The following LRRC74A variants were observed in gnomAD, a reference collection of about 807,000 sequenced individuals.
LRRC74A encodes the protein leucine-rich repeat-containing protein 74A.
LRRC74A carries 44 observed loss-of-function variants against 57.9 expected under a neutral mutation model. The ratio of observed to expected loss-of-function variants is 0.76; its 90% CI spans 0.60 to 0.98. The LOEUF is 0.98. LRRC74A is among the 50% of genes least tolerant of loss of function. The probability of loss-of-function intolerance (pLI) is 0.00; values close to 1 mark genes in which losing one functional copy is unlikely to be tolerated. For synonymous variants in LRRC74A, 211 were observed against 219.4 expected, an observed-to-expected ratio of 0.96 and a Z score of 0.34; for missense variants, 572 against 574.0, an observed-to-expected ratio of 1.00 and a Z score of 0.04.
At chr14:76,860,962 A>T in intron 11 of LRRC74A, 123 bp downstream of exon 11, 5 of 939,582 alleles carry the variant, frequency 5.3e-6, no homozygotes, top group Non-Finnish European at 4.7e-6. Context: ...CTGATAAGGA[A>T]TGTCTCAGTC....
Position 76,844,797 on chromosome 14 carries a change from C to G in LRRC74A, c.595-23C>G, listed in dbSNP as rs769495535. 1.2e-5 allele frequency: 16 copies of G among 1,347,930 alleles called. No individual in the cohort carries two copies. In the South Asian group the frequency reaches 1.8e-4, roughly 15 times the overall value. The allele number at this position is 1,347,930 out of a possible 1,614,324, so 83.5% of individuals were successfully genotyped here. On this transcript the variant is annotated intron_variant, in intron 6 of 13. Coordinates refer to ENST00000689127, the MANE Select transcript of LRRC74A (RefSeq NM_001385106.1). Reference sequence around the variant, plus strand: ...CAATCAGAAGACAAAAAATCCTTCTCTTTCCCCTGTTTGTTTCTGTAGACC... The same window carrying G: ...CAATCAGAAGACAAAAAATCCTTCTGTTTCCCCTGTTTGTTTCTGTAGACC...
At chr14:76,843,613 G>C (rs759635586) in intron 5 of LRRC74A, among the ~76,000 whole-genome samples, 1 of 152,108 alleles carries the variant, frequency 6.6e-6, no homozygotes, top group Non-Finnish European at 1.5e-5. Flanking sequence ...TAAAAGAGAG[G>C]GTAAACAGTT....
intron 2 of LRRC74A, among the ~76,000 whole-genome samples, chr14:76,830,968 T>C (rs145590947): frequency 1.3e-5 from 2 of 152,334 alleles, no homozygotes; most frequent in Admixed American, 1.3e-4. Flanking sequence ...CCTAAAACCA[T>C]GGGCCTCATC....
intron 3 of LRRC74A, among the ~76,000 whole-genome samples, chr14:76,832,816 G>T (rs1158228390): frequency 1.3e-5 from 2 of 150,112 alleles, no homozygotes; most frequent in Non-Finnish European, 3.0e-5. Context: ...TCACAATGCT[G>T]CAATGTTATC....
At chr14:76,845,667 C>A (rs1369345686) in intron 7 of LRRC74A, among the ~76,000 whole-genome samples, 1 of 152,146 alleles carries the variant, frequency 6.6e-6, no homozygotes, top group African/African-American at 2.4e-5. Flanking sequence ...CCATATTTGA[C>A]AACAATACAT....
intron 5 of LRRC74A, among the ~76,000 whole-genome samples, chr14:76,838,349 C>T (rs1401225494): frequency 4.6e-5 from 7 of 152,060 alleles, no homozygotes; most frequent in Non-Finnish European, 1.0e-4. Flanking sequence ...AAAGAGACCT[C>T]CCCTCCTCTC....
At chr14:76,844,749 C>T (rs1897008500) in intron 6 of LRRC74A, 71 bp from the exon 7 acceptor site, 6 of 867,750 alleles carry the variant, frequency 6.9e-6, no homozygotes, top group African/African-American at 1.7e-5. Context: ...CATCATACTG[C>T]CCTGAGATAA....
chr14:76,831,235 G>A lies in LRRC74A; in HGVS notation c.199G>A (p.Glu67Lys), dbSNP rs201334339. The change falls in exon 3 of 14, where the codon GAG becomes AAG. Residue 67 changes from glutamate (E) to lysine (K), a missense_variant. Transcript: ENST00000689127. ...GAAATTTTTCACCACTGGACAAAAGGAGCTGTACCTGGAGGCCTGCAAGCT... is the reference window on the plus strand; with the variant it reads ...GAAATTTTTCACCACTGGACAAAAGAAGCTGTACCTGGAGGCCTGCAAGCT... Reference protein sequence around the residue: ...DEKFFTTGQKELYLEACKLMG... With the variant: ...DEKFFTTGQKKLYLEACKLMG... 39 of 1,613,912 alleles carry A rather than the reference G, an allele frequency of 2.4e-5. No homozygotes were observed. Among genetic ancestry groups the A allele is most frequent in the Middle Eastern group, 1.6e-4 (1 of 6,084 alleles).
chr14:76,829,176 C>T (rs1291270143), intron 2 of LRRC74A: 1 of 1,289,286 alleles, frequency 7.8e-7, no homozygotes, highest in East Asian at 5.5e-5. Flanking sequence ...CAGCCTCAAA[C>T]TTCCCAGGCC....
At chr14:76,828,848 C>T (rs1179293693) in intron 2 of LRRC74A, 2 of 442,166 alleles carry the variant, frequency 4.5e-6, no homozygotes, top group African/African-American at 2.1e-5. Flanking sequence ...TTGCCCAGCA[C>T]GTTGGCTGAT....
intron 13 of LRRC74A, among the ~76,000 whole-genome samples, 182 bp downstream of exon 13, chr14:76,867,620 C>T (rs2242629): frequency 0.45 from 68,594 of 151,952 alleles, 15,706 homozygotes; most frequent in Admixed American, 0.53. Flanking sequence ...TTCACTTGTT[C>T]AGCGAAACTT....
intron 13 of LRRC74A, among the ~76,000 whole-genome samples, chr14:76,867,805 G>A (rs1407520072): frequency 6.6e-6 from 1 of 152,188 alleles, no homozygotes; most frequent in Non-Finnish European, 1.5e-5. Flanking sequence ...AGCCCAAAGA[G>A]GAAGTGTCGC....
At chr14:76,839,087 T>C (rs1249418789) in intron 5 of LRRC74A, among the ~76,000 whole-genome samples, 1 of 152,210 alleles carries the variant, frequency 6.6e-6, no homozygotes, top group Non-Finnish European at 1.5e-5. Flanking sequence ...AACATCCCCC[T>C]ATTTGGGAGA....
Position 76,836,118 on chromosome 14 carries a change from A to G in LRRC74A, c.340-89A>G, listed in dbSNP as rs1213840325. The G allele has an allele frequency of 8.4e-6, 8 of 950,084 alleles. No individual in the cohort carries two copies. In the African/African-American group the frequency reaches 1.1e-4, roughly 13 times the overall value. The allele number at this position is 950,084 out of a possible 1,614,324, so 58.9% of individuals were successfully genotyped here. A position where few individuals can be genotyped will look rare whatever the true frequency, so the allele number is the denominator to read the frequency against. On this transcript the variant is annotated intron_variant, in intron 3 of 13. Transcript: ENST00000689127. ...ATTCCTAGCCTGCATCTCCACGCCC[A>G]TTCACATGGCTGGCCCAGGGCGAGC...
At chr14:76,828,585 C>A in intron 2 of LRRC74A, 166 bp downstream of exon 2, 1 of 1,033,444 alleles carries the variant, frequency 9.7e-7, no homozygotes, top group Non-Finnish European at 1.5e-6. Context: ...GAGTCCTCCT[C>A]CGGGCTGGCA....
At chr14:76,848,843 G>C (rs1176991066) in intron 7 of LRRC74A, among the ~76,000 whole-genome samples, 1 of 152,224 alleles carries the variant, frequency 6.6e-6, no homozygotes, top group Non-Finnish European at 1.5e-5. Context: ...TGGCCTGAGA[G>C]AGCAGGAGGG....
chr14:76,852,028 TG>T (rs1269209217), intron 7 of LRRC74A, among the ~76,000 whole-genome samples: 2 of 152,192 alleles, frequency 1.3e-5, no homozygotes, highest in Non-Finnish European at 2.9e-5. Context: ...TCCCATATTC[TG>T]TGCTGTAGTC....
In LRRC74A at chr14:76,860,779, A is replaced by G. The variant is rs762463957; in HGVS notation, c.1140A>G (p.Val380=). Residue 380 remains valine, a synonymous_variant, in exon 11 of 14, where the codon GTA becomes GTG. Coordinates refer to ENST00000689127, the MANE Select transcript of LRRC74A (RefSeq NM_001385106.1). The part of the protein sequence containing the change: ...HPQLDVVFKA[V]QGLSPKKTIF... Reference sequence around the variant, plus strand: ...AGCTGGACGTGGTATTCAAGGCAGTACAAGGCCTCTCTCCCAAGAAAACCA... The same window carrying G: ...AGCTGGACGTGGTATTCAAGGCAGTGCAAGGCCTCTCTCCCAAGAAAACCA... The G allele has an allele frequency of 6.2e-7, 1 of 1,611,010 alleles. No homozygotes were observed. The highest frequency in any genetic ancestry group is 1.3e-5 in the African/African-American group (1 of 74,820).
intron 9 of LRRC74A, among the ~76,000 whole-genome samples, chr14:76,855,255 G>T (rs1395631767): frequency 6.6e-6 from 1 of 152,152 alleles, no homozygotes; most frequent in East Asian, 1.9e-4. Flanking sequence ...GGGGTGGAGC[G>T]GGGCCAGGCA....
Sources: gnomAD v4.1 joint callset for allele counts (sites outside exome capture counted in the v4.1 genomes callset) on GRCh38, gnomAD v4.1.1 for gene constraint, MANE v1.5 for transcripts, NCBI Gene and HGNC (gene_info 2026-07-23, HGNC 2026-07-21) for gene names.